The following CRX variants were observed in gnomAD, a reference collection of about 807,000 sequenced individuals.
CRX encodes cone-rod homeobox protein.
In CRX, 5 loss-of-function variants were observed where a neutral mutation model predicts 13.1. The observed-to-expected ratio is 0.38, with a 90% CI of 0.20 to 0.80. The LOEUF (loss-of-function observed/expected upper bound fraction) is 0.80, where lower values mean the gene tolerates loss of function less well. Ranked by LOEUF, CRX falls within the 30% of genes least tolerant of loss-of-function variation. The probability of loss-of-function intolerance (pLI) is 0.43; values close to 1 mark genes in which losing one functional copy is unlikely to be tolerated. For synonymous variants in CRX, 179 were observed against 171.1 expected, an observed-to-expected ratio of 1.05 and a Z score of -0.36; for missense variants, 351 against 391.8, an observed-to-expected ratio of 0.90 and a Z score of 0.88.
chr19:47,835,639 T>C (rs1363914392), intron 2 of CRX, among the ~76,000 whole-genome samples: 7 of 148,318 alleles, frequency 4.7e-5, no homozygotes, highest in East Asian at 2.0e-4. Flanking sequence ...TTTTTTTTTT[T>C]CAAGACCGAG....
chr19:47,822,763 G>C (rs1463394389), intron 1 of CRX, among the ~76,000 whole-genome samples: 1 of 152,156 alleles, frequency 6.6e-6, no homozygotes, highest in South Asian at 2.1e-4. Flanking sequence ...TTCCAGCACA[G>C]TCACTCTCTC....
chr19:47,832,795 G>A (rs1004229864), intron 1 of CRX, among the ~76,000 whole-genome samples: 3 of 151,986 alleles, frequency 2.0e-5, no homozygotes, highest in African/African-American at 7.2e-5. Flanking sequence ...CCATAAATGC[G>A]ATTTTCATTC....
intron 1 of CRX, 32 bp downstream of exon 1, chr19:47,822,042 G>C (rs931076302): frequency 2.6e-5 from 4 of 153,002 alleles, no homozygotes. Flanking sequence ...GGAGGGGACC[G>C]AGGAGGGGAG....
intron 1 of CRX, among the ~76,000 whole-genome samples, chr19:47,832,105 GTTTT>G (rs71180891): frequency 1.1e-5 from 1 of 91,986 alleles, no homozygotes. Flanking sequence ...GCAGCCTTAT[GTTTT>G]TTTTTTTTTT....
In CRX at chr19:47,840,083, G is replaced by C; in HGVS notation, c.*116G>C. ...CCTGAGAAAGCAACCCGAACCAGCTGTCCTTCTGACAGCTCGGTGTTCAGC... is the reference window on the plus strand; with the variant it reads ...CCTGAGAAAGCAACCCGAACCAGCTCTCCTTCTGACAGCTCGGTGTTCAGC... On this transcript the variant is annotated 3_prime_UTR_variant, in exon 4 of 4. Transcript: ENST00000221996. The C allele has an allele frequency of 2.4e-6, 3 of 1,268,092 alleles. No individual in the cohort carries two copies. The highest frequency in any genetic ancestry group is 3.3e-6 in the Non-Finnish European group (3 of 897,342). The allele number at this position is 1,268,092 out of a possible 1,614,324, so 78.6% of individuals were successfully genotyped here.
At position 47,839,881 on chromosome 19, in the gene CRX, C is replaced by A. The variant is rs781453718; in HGVS notation, c.814C>A (p.Pro272Thr). 2 of 1,614,110 alleles carry A rather than the reference C, an allele frequency of 1.2e-6. No individual in the cohort carries two copies. Among genetic ancestry groups the A allele is most frequent in the African/African-American group, 1.3e-5 (1 of 75,016 alleles). Reference sequence around the variant, plus strand: ...CGTGGATAGCTTGGAATTCAAGGACCCCACGGGCACCTGGAAATTCACCTA... The same window carrying A: ...CGTGGATAGCTTGGAATTCAAGGACACCACGGGCACCTGGAAATTCACCTA... ...SPVDSLEFKDPTGTWKFTYNP... is the reference protein window; with the variant it reads ...SPVDSLEFKDTTGTWKFTYNP... The change falls in exon 4 of 4, where the codon CCC becomes ACC. Residue 272 changes from proline to threonine, a missense_variant. Transcript: ENST00000221996. This position sits in a 1 kb window ranked among gnomAD's most constrained non-coding sequence, Gnocchi z 4.6.
At chr19:47,835,378 T>C (rs1230137545) in intron 2 of CRX, among the ~76,000 whole-genome samples, 4 of 151,268 alleles carry the variant, frequency 2.6e-5, no homozygotes, top group Non-Finnish European at 1.5e-5. Flanking sequence ...TATTTCTTTT[T>C]CTTTTTTTTT....
chr19:47,832,105 GT>G (rs71180891), intron 1 of CRX, among the ~76,000 whole-genome samples: 12,017 of 91,846 alleles, frequency 0.13, 820 homozygotes, highest in Middle Eastern at 0.24. Context: ...GCAGCCTTAT[GT>G]TTTTTTTTTT....
chr19:47,841,572 T>A lies in CRX; in HGVS notation c.*1605T>A, dbSNP rs1327313395. On this transcript the variant is annotated 3_prime_UTR_variant, in exon 4 of 4. Transcript: ENST00000221996. ...TCAAACATACATTCCCTTTTTTAGA[T>A]TTTTTTTTTTTTTTTTTTGGTTTTC... The A allele has an allele frequency of 1.7e-5, 2 of 118,234 alleles. No individual in the cohort carries two copies. The highest frequency in any genetic ancestry group is 8.5e-5 in the African/African-American group (2 of 23,498). 7.3% of individuals were successfully genotyped at this position (118,234 alleles called of 1,614,324 possible). A position where few individuals can be genotyped will look rare whatever the true frequency, so the allele number is the denominator to read the frequency against.
At chr19:47,835,335 G>A (rs1968103685) in intron 2 of CRX, among the ~76,000 whole-genome samples, 1 of 151,850 alleles carries the variant, frequency 6.6e-6, no homozygotes, top group South Asian at 2.1e-4. Context: ...TGGGATTACA[G>A]GCATGAGCCA....
rs763733046 is a variant in CRX at position 47,836,274 on chromosome 19, C to A, written c.132C>A (p.Thr44=). Residue 44 remains threonine, a synonymous_variant, in exon 3 of 4, where the codon ACC becomes ACA. Transcript: ENST00000221996. The part of the protein sequence containing the change: ...SAPRKQRRER[T]TFTRSQLEEL... Reference sequence around the variant, plus strand: ...CCAGGAAGCAGCGGCGGGAGCGCACCACCTTCACCCGGAGCCAACTGGAGG... The same window carrying A: ...CCAGGAAGCAGCGGCGGGAGCGCACAACCTTCACCCGGAGCCAACTGGAGG... The A allele has an allele frequency of 6.2e-7, 1 of 1,614,192 alleles. No individual in the cohort carries two copies. Among genetic ancestry groups the A allele is most frequent in the Non-Finnish European group, 8.5e-7 (1 of 1,180,028 alleles).
Position 47,843,105 on chromosome 19 carries a change from T to A in CRX, c.*3138T>A, listed in dbSNP as rs551578738. ...ACAGATTGCTTTTCCTGGGCTGGGCTCCTGAGTGTTGGTTCTTCCAGCTGT... is the reference window on the plus strand; with the variant it reads ...ACAGATTGCTTTTCCTGGGCTGGGCACCTGAGTGTTGGTTCTTCCAGCTGT... On this transcript the variant is annotated 3_prime_UTR_variant, in exon 4 of 4. Coordinates refer to ENST00000221996, the MANE Select transcript of CRX (RefSeq NM_000554.6). The A allele has an allele frequency of 6.6e-6, 1 of 152,350 alleles. No individual in the cohort carries two copies. Among genetic ancestry groups the A allele is most frequent in the South Asian group, 2.1e-4 (1 of 4,818 alleles). The allele number at this position is 152,350 out of a possible 1,614,324, so 9.4% of individuals were successfully genotyped here. A position where few individuals can be genotyped will look rare whatever the true frequency, so the allele number is the denominator to read the frequency against.
At position 47,843,174 on chromosome 19, in the gene CRX, G is replaced by C. The variant is rs1485340794; in HGVS notation, c.*3207G>C. The C allele has an allele frequency of 2.0e-5, 3 of 152,324 alleles. No homozygotes were observed. In the East Asian group the frequency reaches 5.8e-4, roughly 29 times the overall value. 9.4% of individuals were successfully genotyped at this position (152,324 alleles called of 1,614,324 possible). ...GTTCTACGTCCTAAAGCCAGGAAGA[G>C]TGACAAGGCAGGTGGGGACAGAAGG... On this transcript the variant is annotated 3_prime_UTR_variant, in exon 4 of 4. Transcript: ENST00000221996.
At chr19:47,824,637 A>G (rs921778443) in intron 1 of CRX, among the ~76,000 whole-genome samples, 4 of 152,104 alleles carry the variant, frequency 2.6e-5, no homozygotes, top group Non-Finnish European at 5.9e-5. Flanking sequence ...TCCCAGGCTC[A>G]GTCTCCCCCG....
At chr19:47,836,625 T>C (rs1968121200) in intron 3 of CRX, among the ~76,000 whole-genome samples, 2 of 152,376 alleles carry the variant, frequency 1.3e-5, no homozygotes, top group South Asian at 2.1e-4. Context: ...CCCTCCTGCC[T>C]TGGGCCTTTG....
Position 47,840,546 on chromosome 19 carries a change from T to C in CRX, c.*579T>C, listed in dbSNP as rs4356586. 0.32 allele frequency: 49,169 copies of C among 153,194 alleles called. 8,555 individuals are homozygous for C. The highest frequency in any genetic ancestry group is 0.4 in the Non-Finnish European group (27,520 of 68,928). 9.5% of individuals were successfully genotyped at this position (153,194 alleles called of 1,614,324 possible). A position where few individuals can be genotyped will look rare whatever the true frequency, so the allele number is the denominator to read the frequency against. On this transcript the variant is annotated 3_prime_UTR_variant, in exon 4 of 4. Coordinates refer to ENST00000221996, the MANE Select transcript of CRX (RefSeq NM_000554.6). ...CCTCCCGAGTAGCTGGGACTACAGA[T>C]GCCCACCACCAGGCCCGGCTAATTT... is the stretch of plus-strand genomic sequence containing the variant.
rs1229606751 is a variant in CRX at position 47,834,450 on chromosome 19, G to C, written c.7G>C (p.Ala3Pro). ...CTCAGTGTCCCCGAAGATCATGATG[G>C]CGTATATGAACCCGGGGCCCCACTA... MM[A>P]YMNPGPHYSV... The change falls in exon 2 of 4, where the codon GCG (alanine) becomes CCG (proline). Residue 3 changes from alanine (A) to proline (P), a missense_variant. Around this residue, in one of 3 missense-constraint regions of CRX, gnomAD observed 95 missense variants for 106.7 expected, o/e 0.89. Transcript: ENST00000221996. 2 of 1,613,962 alleles carry C rather than the reference G, an allele frequency of 1.2e-6. No homozygotes were observed. Among genetic ancestry groups the C allele is most frequent in the African/African-American group, 2.7e-5 (2 of 75,050 alleles).
At chr19:47,838,535 AT>A (rs1968147092) in intron 3 of CRX, among the ~76,000 whole-genome samples, 1 of 152,138 alleles carries the variant, frequency 6.6e-6, no homozygotes, top group African/African-American at 2.4e-5. Flanking sequence ...AGATGGCTCC[AT>A]TAATGCATGT....
At chr19:47,837,868 CAT>C (rs1479532781) in intron 3 of CRX, among the ~76,000 whole-genome samples, 3 of 151,972 alleles carry the variant, frequency 2.0e-5, no homozygotes, top group East Asian at 3.9e-4. Flanking sequence ...GTGTGTATGA[CAT>C]ATATATGTGT....
Sources: gnomAD v4.1 joint callset for allele counts (sites outside exome capture counted in the v4.1 genomes callset) on GRCh38, gnomAD v4.1.1 for gene constraint, gnomAD v4.1.1 regional missense constraint, Gnocchi (gnomAD v3.1) non-coding constraint, MANE v1.5 for transcripts, NCBI Gene and HGNC (gene_info 2026-07-23, HGNC 2026-07-21) for gene names.